Variants in CDK14 observed in about 807,000 individuals in gnomAD.
CDK14 encodes the protein cyclin dependent kinase 14, also known as cyclin-dependent kinase 14.
CDK14 carries 34 observed loss-of-function variants against 60.7 expected under a neutral mutation model. That is an observed-to-expected ratio of 0.56 (90% CI 0.43 to 0.75). The LOEUF (loss-of-function observed/expected upper bound fraction) is 0.75. CDK14 is among the 30% of genes least tolerant of loss of function. The pLI, the probability that CDK14 is intolerant of heterozygous loss-of-function variation, is 0.00. For synonymous variants in CDK14, 197 were observed against 203.7 expected (o/e 0.97, Z 0.28); for missense variants, 482 against 564.1 (o/e 0.85, Z 1.47).
intron 4 of CDK14, among the ~76,000 whole-genome samples, chr7:90,750,048 G>A (rs1803759279): frequency 6.6e-6 from 1 of 152,030 alleles, no homozygotes; most frequent in South Asian, 2.1e-4. Context: ...TGTAAAAGCT[G>A]CTGATAGAAA....
intron 2 of CDK14, among the ~76,000 whole-genome samples, chr7:90,641,884 C>T (rs1278180407): frequency 6.6e-6 from 1 of 152,142 alleles, no homozygotes; most frequent in East Asian, 1.9e-4. Flanking sequence ...GCCTCACAAT[C>T]ATGGCAGAAG....
intron 5 of CDK14, among the ~76,000 whole-genome samples, chr7:90,810,308 G>T (rs1250753955): frequency 6.6e-6 from 1 of 152,096 alleles, no homozygotes; most frequent in Non-Finnish European, 1.5e-5. Context: ...ATGCAAGGCT[G>T]GTTCAACATA....
intron 11 of CDK14, among the ~76,000 whole-genome samples, chr7:91,074,677 C>CA (rs1038903162): frequency 7.9e-5 from 12 of 151,758 alleles, no homozygotes; most frequent in East Asian, 5.8e-4. Context: ...TATGGAGACA[C>CA]AAAAAAACCC....
chr7:90,788,480 A>C (rs1805693137), intron 4 of CDK14, among the ~76,000 whole-genome samples: 1 of 152,206 alleles, frequency 6.6e-6, no homozygotes, highest in African/African-American at 2.4e-5. Context: ...AAGAAGTTGC[A>C]GAACAGAAAA....
Position 90,821,197 on chromosome 7 carries a change from T to A in CDK14, c.544+30545T>A, listed in dbSNP as rs190530690. Among the ~76,000 whole-genome samples, 64 of 152,286 alleles carry A rather than the reference T, an allele frequency of 4.2e-4. 1 individual carries two copies. Among genetic ancestry groups the A allele is most frequent in the Admixed American group, 1.8e-3 (28 of 15,294 alleles). ...TTAGATCATGTTCCCTGGAAACCTA[T>A]GTTGCATGCAGGTTTATTGGAGAAT... On this transcript the variant is annotated intron_variant, in intron 5 of 14. Transcript: ENST00000380050.
intron 8 of CDK14, among the ~76,000 whole-genome samples, chr7:90,926,807 G>A (rs1793430270): frequency 6.6e-6 from 1 of 152,174 alleles, no homozygotes; most frequent in Admixed American, 6.5e-5. Context: ...TTGAATGCCA[G>A]TTGCAAGTCC....
intron 10 of CDK14, among the ~76,000 whole-genome samples, chr7:91,033,460 T>C (rs909516900): frequency 3.9e-4 from 60 of 152,226 alleles, no homozygotes; most frequent in African/African-American, 1.4e-3. Context: ...CCAATTAGAA[T>C]GCATCTTTTA....
chr7:90,695,587 G>C (rs1271730534), intron 2 of CDK14, among the ~76,000 whole-genome samples: 3 of 152,098 alleles, frequency 2.0e-5, no homozygotes, highest in Admixed American at 6.5e-5. Flanking sequence ...GATATGACCA[G>C]GCTGAATTTC....
intron 8 of CDK14, among the ~76,000 whole-genome samples, chr7:90,924,643 C>T (rs1026116556): frequency 8.6e-5 from 13 of 152,014 alleles, no homozygotes; most frequent in African/African-American, 2.2e-4. Context: ...TTACTGGAAG[C>T]GAGAAAAACT....
intron 9 of CDK14, among the ~76,000 whole-genome samples, chr7:90,974,003 A>G (rs763539389): frequency 6.6e-6 from 1 of 152,138 alleles, no homozygotes; most frequent in East Asian, 1.9e-4. Context: ...GGCATATTTC[A>G]GTCCTTATCT....
chr7:91,027,915 C>CCCCTT (rs1291980473), intron 10 of CDK14, among the ~76,000 whole-genome samples: 3 of 40,542 alleles, frequency 7.4e-5, no homozygotes, highest in African/African-American at 2.3e-4. Flanking sequence ...CCCCTGCCCT[C>CCCCTT]CCCTCCCCTC....
At chr7:90,990,549 A>G (rs1795502792) in intron 10 of CDK14, among the ~76,000 whole-genome samples, 1 of 152,186 alleles carries the variant, frequency 6.6e-6, no homozygotes, top group Admixed American at 6.5e-5. Context: ...TTTTCAGAGA[A>G]TCAACTGTAT....
At chr7:90,905,651 T>A (rs1458795077) in intron 7 of CDK14, among the ~76,000 whole-genome samples, 1 of 152,178 alleles carries the variant, frequency 6.6e-6, no homozygotes, top group Non-Finnish European at 1.5e-5. Flanking sequence ...TCAGGTTCAC[T>A]GAGATGATGG....
chr7:90,700,677 C>G (rs1258688225), intron 2 of CDK14, among the ~76,000 whole-genome samples: 1 of 152,024 alleles, frequency 6.6e-6, no homozygotes, highest in Non-Finnish European at 1.5e-5. Flanking sequence ...ATCTCCAACC[C>G]CCAGCATTTT....
At chr7:90,709,157 G>A in intron 2 of CDK14, 1 of 203,404 alleles carries the variant, frequency 4.9e-6, no homozygotes, top group South Asian at 1.6e-4. Flanking sequence ...CTGCACCTGT[G>A]CTTTTTTTTT....
chr7:90,879,517 G>T (rs1006697295), intron 6 of CDK14, among the ~76,000 whole-genome samples: 2 of 152,130 alleles, frequency 1.3e-5, no homozygotes, highest in African/African-American at 2.4e-5. Flanking sequence ...TAATAAGTGT[G>T]TGAATCCTTC....
intron 2 of CDK14, among the ~76,000 whole-genome samples, chr7:90,641,629 T>C (rs1397900332): frequency 6.8e-6 from 1 of 147,050 alleles, no homozygotes; most frequent in African/African-American, 2.5e-5. Context: ...GTGGAAGTAG[T>C]GGTGGGGAGG....
chr7:90,761,695 C>T (rs747087859), intron 4 of CDK14, among the ~76,000 whole-genome samples: 103 of 152,086 alleles, frequency 6.8e-4, no homozygotes, highest in African/African-American at 2.4e-3. Flanking sequence ...AGAGATGCTG[C>T]GGAATATCCT....
chr7:90,738,527 G>A (rs146226518), intron 3 of CDK14, among the ~76,000 whole-genome samples: 32 of 152,256 alleles, frequency 2.1e-4, no homozygotes, highest in Non-Finnish European at 3.8e-4. Context: ...ATAATTGACG[G>A]TTCTCTATAC....
Sources: gnomAD v4.1 joint callset for allele counts (sites outside exome capture counted in the v4.1 genomes callset) on GRCh38, gnomAD v4.1.1 for gene constraint, MANE v1.5 for transcripts, NCBI Gene and HGNC (gene_info 2026-07-23, HGNC 2026-07-21) for gene names.